The following CDH12 variants were observed in gnomAD, a reference collection of about 807,000 sequenced individuals.
The protein encoded by CDH12 is cadherin 12, also known as cadherin-12.
CDH12 carries 41 observed loss-of-function variants against 74.1 expected under a neutral mutation model. The ratio of observed to expected loss-of-function variants is 0.55; its 90% CI spans 0.43 to 0.72. The LOEUF (loss-of-function observed/expected upper bound fraction) is 0.72. Among genes scored for constraint, CDH12 ranks in the 30% least tolerant of loss-of-function variants. The pLI is 0.00. For missense variants in CDH12, 945 were observed against 977.2 expected (o/e 0.97, Z 0.44); for synonymous variants, 399 against 355.0 (o/e 1.12, Z -1.39).
intron 3 of CDH12, among the ~76,000 whole-genome samples, chr5:22,296,222 G>A (rs889587401): frequency 1.3e-5 from 2 of 152,008 alleles, no homozygotes; most frequent in East Asian, 3.9e-4. Context: ...TTTAGCAGTA[G>A]GAAAATGTCA....
intron 3 of CDH12, among the ~76,000 whole-genome samples, chr5:22,259,052 ATTTT>A (rs772299213): frequency 2.6e-5 from 4 of 152,180 alleles, no homozygotes; most frequent in Non-Finnish European, 5.9e-5. Context: ...CAAATGTAAA[ATTTT>A]AATGTGTTTA....
intron 5 of CDH12, among the ~76,000 whole-genome samples, chr5:22,054,790 C>A (rs1740624799): frequency 6.6e-6 from 1 of 152,058 alleles, no homozygotes; most frequent in Non-Finnish European, 1.5e-5. Flanking sequence ...CAAAAGTCAC[C>A]ATAATGATTG....
At chr5:22,539,755 G>C (rs769258808) in intron 1 of CDH12, among the ~76,000 whole-genome samples, 2 of 152,188 alleles carry the variant, frequency 1.3e-5, no homozygotes, top group Non-Finnish European at 2.9e-5. Context: ...GGGCTGTATG[G>C]ATGTGATCTG....
At chr5:22,316,106 G>C (rs1303542523) in intron 3 of CDH12, among the ~76,000 whole-genome samples, 1 of 152,022 alleles carries the variant, frequency 6.6e-6, no homozygotes, top group Non-Finnish European at 1.5e-5. Context: ...CCTCAGATGG[G>C]CAGGTGAATA....
chr5:22,484,083 G>T (rs1746493559), intron 2 of CDH12, among the ~76,000 whole-genome samples: 1 of 151,746 alleles, frequency 6.6e-6, no homozygotes, highest in South Asian at 2.1e-4. Context: ...ATTCAAGAAA[G>T]TCACAAAGAA....
chr5:22,753,133 A>C (rs1745683157), intron 1 of CDH12, among the ~76,000 whole-genome samples: 1 of 152,108 alleles, frequency 6.6e-6, no homozygotes, highest in South Asian at 2.1e-4. Flanking sequence ...ACATTTCAGC[A>C]GAATACACAT....
chr5:21,841,988 C>A (rs1189172298), intron 8 of CDH12, among the ~76,000 whole-genome samples, 173 bp downstream of exon 8: 1 of 149,938 alleles, frequency 6.7e-6, no homozygotes, highest in Non-Finnish European at 1.5e-5. Context: ...TGCACATGTA[C>A]CCTAAAACTT....
intron 8 of CDH12, among the ~76,000 whole-genome samples, chr5:21,841,311 T>C (rs1257521497): frequency 1.3e-5 from 2 of 151,948 alleles, no homozygotes; most frequent in African/African-American, 4.8e-5. Flanking sequence ...CAATGAGATA[T>C]CGTCTCACAC....
intron 4 of CDH12, among the ~76,000 whole-genome samples, chr5:22,153,328 T>G (rs1747739627): frequency 6.6e-6 from 1 of 151,768 alleles, no homozygotes; most frequent in South Asian, 2.1e-4. Context: ...GTGCTGATTT[T>G]GATGCATTTT....
At chr5:22,413,002 T>A (rs1173584245) in intron 2 of CDH12, among the ~76,000 whole-genome samples, 1 of 152,052 alleles carries the variant, frequency 6.6e-6, no homozygotes, top group Non-Finnish European at 1.5e-5. Flanking sequence ...TATCATTGTC[T>A]TTCATTGACA....
chr5:21,849,622 T>C (rs1750359132), intron 7 of CDH12, among the ~76,000 whole-genome samples: 1 of 151,824 alleles, frequency 6.6e-6, no homozygotes, highest in Non-Finnish European at 1.5e-5. Context: ...TGGCAAAAAG[T>C]ATTAAAAGAG....
chr5:22,316,140 C>T (rs929822647), intron 3 of CDH12, among the ~76,000 whole-genome samples: 5 of 151,434 alleles, frequency 3.3e-5, no homozygotes, highest in African/African-American at 7.3e-5. Context: ...GAGCCAGAAA[C>T]GAATGACATG....
At chr5:22,764,704 A>G (rs1364809715) in intron 1 of CDH12, among the ~76,000 whole-genome samples, 2 of 152,026 alleles carry the variant, frequency 1.3e-5, no homozygotes, top group South Asian at 2.1e-4. Context: ...TGCAGATATG[A>G]TGCCTCAAAA....
At chr5:21,831,280 C>T (rs758106167) in intron 8 of CDH12, among the ~76,000 whole-genome samples, 4 of 152,098 alleles carry the variant, frequency 2.6e-5, no homozygotes, top group African/African-American at 4.8e-5. Flanking sequence ...TATCCACTTA[C>T]GTTCTGCTGT....
intron 1 of CDH12, among the ~76,000 whole-genome samples, chr5:22,555,008 T>C (rs1428515962): frequency 6.6e-6 from 1 of 152,110 alleles, no homozygotes; most frequent in East Asian, 1.9e-4. Context: ...ATTCATGTTT[T>C]CCTTAAAAAT....
chr5:22,037,397 C>T (rs773996685), intron 5 of CDH12, among the ~76,000 whole-genome samples: 18 of 152,172 alleles, frequency 1.2e-4, no homozygotes, highest in Non-Finnish European at 2.2e-4. Flanking sequence ...CTGTGGGCCA[C>T]TCGTGGCTTT....
chr5:21,984,464 C>A (rs1580068011), intron 5 of CDH12, among the ~76,000 whole-genome samples: 1 of 152,236 alleles, frequency 6.6e-6, no homozygotes, highest in East Asian at 1.9e-4. Flanking sequence ...AAATCTGGGT[C>A]TCTTTCAGAG....
At chr5:22,406,439 G>GTTTA (rs1484903097) in intron 2 of CDH12, among the ~76,000 whole-genome samples, 3 of 152,056 alleles carry the variant, frequency 2.0e-5, no homozygotes, top group African/African-American at 4.8e-5. Flanking sequence ...CTCAGCTACA[G>GTTTA]TTTACAGGAA....
intron 4 of CDH12, among the ~76,000 whole-genome samples, chr5:22,136,802 A>T (rs1422066308): frequency 6.6e-6 from 1 of 151,772 alleles, no homozygotes; most frequent in East Asian, 1.9e-4. Flanking sequence ...TACCGTAATC[A>T]GATAGACATA....
Sources: gnomAD v4.1 joint callset for allele counts (sites outside exome capture counted in the v4.1 genomes callset) on GRCh38, gnomAD v4.1.1 for gene constraint, MANE v1.5 for transcripts, NCBI Gene and HGNC (gene_info 2026-07-23, HGNC 2026-07-21) for gene names.